The following PRAG1 variants were observed in gnomAD, a reference collection of about 807,000 sequenced individuals.
The protein encoded by PRAG1 is inactive tyrosine-protein kinase PRAG1.
Under a neutral mutation model 95.6 loss-of-function variants are expected in PRAG1, and 110 were observed. That is an observed-to-expected ratio of 1.15 (90% CI 0.99 to 1.35). PRAG1 has a LOEUF of 1.35. PRAG1 is among the 40% of genes most tolerant of loss of function. The pLI, the probability that PRAG1 is intolerant of heterozygous loss-of-function variation, is 0.00. For missense variants in PRAG1, 2,554 were observed against 1,864.7 expected, an observed-to-expected ratio of 1.37 and a Z score of -6.81; for synonymous variants, 1,052 against 819.4, an observed-to-expected ratio of 1.28 and a Z score of -4.85.
intron 3 of PRAG1, among the ~76,000 whole-genome samples, chr8:8,375,203 T>G (rs1003938128): frequency 1.6e-5 from 2 of 124,842 alleles, no homozygotes; most frequent in African/African-American, 7.3e-5. Flanking sequence ...TTTTTTTCTT[T>G]GTTTTTTTTT....
At position 8,378,058 on chromosome 8, in the gene PRAG1, AG is replaced by A; in HGVS notation, c.350del (p.Pro117LeufsTer64). 5.8e-6 allele frequency: 9 copies of A among 1,543,626 alleles called. No individual in the cohort carries two copies. Among genetic ancestry groups the A allele is most frequent in the Non-Finnish European group, 7.9e-6 (9 of 1,146,166 alleles). The stretch of plus-strand genomic sequence containing the variant: ...CCTGCTTCGGGAGGGGGAGCTTGCC[AG>A]GGGCTCGTCTCCAGATGACCTACAC... ...EVSQVIWRRA[P>X]GKLPLPKQED... On this transcript the variant is annotated frameshift_variant, in exon 3 of 6. Transcript: ENST00000615670. LOFTEE classifies it high-confidence loss of function.
intron 3 of PRAG1, among the ~76,000 whole-genome samples, chr8:8,356,534 G>C (rs1799688836): frequency 6.6e-6 from 1 of 152,054 alleles, no homozygotes; most frequent in Non-Finnish European, 1.5e-5. Context: ...TTTTTGTAGA[G>C]ATGAGGTTTC....
intron 4 of PRAG1, among the ~76,000 whole-genome samples, chr8:8,337,590 G>C (rs966869012): frequency 6.6e-6 from 1 of 152,152 alleles, no homozygotes; most frequent in African/African-American, 2.4e-5. Context: ...AGATAGAATG[G>C]TTGGCTCTCA....
At chr8:8,364,337 G>A (rs888424494) in intron 3 of PRAG1, among the ~76,000 whole-genome samples, 1 of 152,082 alleles carries the variant, frequency 6.6e-6, no homozygotes, top group African/African-American at 2.4e-5. Context: ...GCCTATCCAT[G>A]TTTTTGCCTG....
intron 5 of PRAG1, among the ~76,000 whole-genome samples, chr8:8,324,448 G>C (rs188003352): frequency 6.6e-6 from 1 of 152,310 alleles, no homozygotes; most frequent in Admixed American, 6.5e-5. Flanking sequence ...AGGCTGCGTT[G>C]GGCGCATGCT....
intron 4 of PRAG1, among the ~76,000 whole-genome samples, chr8:8,330,094 G>A (rs991734330): frequency 4.6e-5 from 7 of 152,150 alleles, no homozygotes; most frequent in East Asian, 1.9e-4. Context: ...GGCTGGGCAC[G>A]GTGGCTTATG....
In PRAG1 at chr8:8,318,646, G is replaced by A. The variant is rs1312952339; in HGVS notation, c.3729C>T (p.Ile1243=). ...KKSQARLAPE[I]VSASQYRKFD... The stretch of plus-strand genomic sequence containing the variant: ...ACTTGCGGTACTGGGAAGCAGACAC[G>A]ATCTCGGGGGCCAGCCGGGCCTGGC... The change falls in exon 6 of 6, where the codon ATC becomes ATT. Residue 1243 remains isoleucine (I), a synonymous_variant. Transcript: ENST00000615670. The surrounding 1 kb of genome is among the most constrained non-coding windows in gnomAD (Gnocchi z 4.2). The A allele has an allele frequency of 1.2e-6, 2 of 1,612,196 alleles. No individual in the cohort carries two copies. The highest frequency in any genetic ancestry group is 2.7e-5 in the African/African-American group (2 of 74,808).
intron 3 of PRAG1, among the ~76,000 whole-genome samples, chr8:8,370,341 T>G (rs1800150584): frequency 6.6e-6 from 1 of 152,250 alleles, no homozygotes; most frequent in Non-Finnish European, 1.5e-5. Context: ...TTGTTCTGTT[T>G]GCCAAACTCT....
At chr8:8,371,337 T>C (rs962000596) in intron 3 of PRAG1, among the ~76,000 whole-genome samples, 7 of 151,296 alleles carry the variant, frequency 4.6e-5, no homozygotes, top group Non-Finnish European at 8.8e-5. Flanking sequence ...CTCGGCTCCC[T>C]GCAAGCTCCG....
chr8:8,376,578 T>C lies in PRAG1; in HGVS notation c.1831A>G (p.Arg611Gly), dbSNP rs1168191105. The change falls in exon 3 of 6, where the codon AGG becomes GGG. Residue 611 changes from arginine (R) to glycine (G), a missense_variant. Transcript: ENST00000615670. ...GACGAGGCGGCAGGCTGGGGACACC[T>C]GGATGGGTCACTGATAGCGACACCG... ...TNGVAISDPS[R>G]CPQPAASSAS... The C allele has an allele frequency of 6.2e-7, 1 of 1,606,978 alleles. No individual in the cohort carries two copies. Among genetic ancestry groups the C allele is most frequent in the South Asian group, 1.1e-5 (1 of 90,266 alleles).
intron 3 of PRAG1, among the ~76,000 whole-genome samples, chr8:8,353,233 G>T (rs905461405): frequency 6.6e-5 from 10 of 152,136 alleles, no homozygotes; most frequent in African/African-American, 2.4e-4. Flanking sequence ...AGCATATATA[G>T]AACTTTCCAT....
chr8:8,353,973 G>C lies in PRAG1; in HGVS notation c.2163-14338C>G, dbSNP rs903558882. Among the ~76,000 whole-genome samples, 4 of 150,024 alleles carry C rather than the reference G, an allele frequency of 2.7e-5. No homozygotes were observed. The South Asian group carries it at 6.3e-4, about 24-fold the overall frequency. The stretch of plus-strand genomic sequence containing the variant: ...AATAAAGAACAGAAAAGCCACATAA[G>C]GAAAAAAAAAGTCAATAGAACTGAG... On this transcript the variant is annotated intron_variant, in intron 3 of 5. Transcript: ENST00000615670.
intron 3 of PRAG1, among the ~76,000 whole-genome samples, chr8:8,344,485 C>A (rs1376884790): frequency 6.6e-6 from 1 of 152,120 alleles, no homozygotes; most frequent in Non-Finnish European, 1.5e-5. Flanking sequence ...AACTTCAAGA[C>A]AGTGATTGCT....
chr8:8,382,218 G>A (rs958028058), intron 1 of PRAG1, among the ~76,000 whole-genome samples: 11 of 152,190 alleles, frequency 7.2e-5, no homozygotes, highest in Non-Finnish European at 1.2e-4. Flanking sequence ...CCGGGGCCTA[G>A]AGTCTGGGAC....
rs1313459627 is a variant in PRAG1, at chr8:8,381,482, G to T, written c.266C>A (p.Thr89Asn). The T allele has an allele frequency of 6.2e-7, 1 of 1,614,144 alleles. No individual in the cohort carries two copies. The highest frequency in any genetic ancestry group is 8.5e-7 in the Non-Finnish European group (1 of 1,180,062). The change falls in exon 2 of 6, where the codon ACC becomes AAC. Residue 89 changes from threonine (T) to asparagine (N), a missense_variant. Physicochemically the swap from Thr to Asn is moderately conservative, Grantham distance 65. Coordinates refer to ENST00000615670, the MANE Select transcript of PRAG1 (RefSeq NM_001080826.3). ...ATCAGAGGCCTCGGAGCTCATCATGGTGGGCTTCACGGCAATTGTGGGCTT... is the reference window on the plus strand; with the variant it reads ...ATCAGAGGCCTCGGAGCTCATCATGTTGGGCTTCACGGCAATTGTGGGCTT... ...YSKPTIAVKPTMMSSEASDVW... is the reference protein window; with the variant it reads ...YSKPTIAVKPNMMSSEASDVW...
At chr8:8,348,664 A>G (rs539354183) in intron 3 of PRAG1, among the ~76,000 whole-genome samples, 3 of 152,048 alleles carry the variant, frequency 2.0e-5, no homozygotes, top group African/African-American at 7.2e-5. Context: ...TCCATCCTCA[A>G]AACCCAGCAT....
intron 5 of PRAG1, among the ~76,000 whole-genome samples, chr8:8,324,082 G>T (rs1043597629): frequency 6.6e-6 from 1 of 152,178 alleles, no homozygotes; most frequent in African/African-American, 2.4e-5. Context: ...GCCAGGCCCA[G>T]CCCAGGGCAA....
In PRAG1 at chr8:8,327,747, G is replaced by A. The variant is rs867256090; in HGVS notation, c.3035C>T (p.Thr1012Ile). The A allele has an allele frequency of 2.5e-6, 4 of 1,614,192 alleles. No homozygotes were observed. The highest frequency in any genetic ancestry group is 1.6e-4 in the Middle Eastern group (1 of 6,062). The change falls in exon 5 of 6, where the codon ACC (threonine) becomes ATC (isoleucine). Residue 1012 changes from threonine (T) to isoleucine (I), a missense_variant. Coordinates refer to ENST00000615670, the MANE Select transcript of PRAG1 (RefSeq NM_001080826.3). Reference protein sequence around the residue: ...DSGDAIYYCATCSEDPGSTYA... With the variant: ...DSGDAIYYCAICSEDPGSTYA... ...GGTGCTGCCGGGGTCCTCAGAGCAG[G>A]TGGCACAGTAATAAATGGCATCCCC...
intron 1 of PRAG1, among the ~76,000 whole-genome samples, chr8:8,385,646 A>T (rs1800821705): frequency 6.6e-6 from 1 of 152,208 alleles, no homozygotes; most frequent in Admixed American, 6.5e-5. Context: ...ATGTGCAGGG[A>T]GAGCTTACCT....
Sources: gnomAD v4.1 joint callset for allele counts (sites outside exome capture counted in the v4.1 genomes callset) on GRCh38, gnomAD v4.1.1 for gene constraint, Gnocchi (gnomAD v3.1) non-coding constraint, MANE v1.5 for transcripts, NCBI Gene and HGNC (gene_info 2026-07-23, HGNC 2026-07-21) for gene names.